Variants in DPP9 observed in about 807,000 individuals in gnomAD.
DPP9 encodes the protein dipeptidyl peptidase IV-related protein-2.
DPP9 carries 50 observed loss-of-function variants against 110.7 expected under a neutral mutation model. That is an observed-to-expected ratio of 0.45 (90% CI 0.36 to 0.57). The LOEUF (loss-of-function observed/expected upper bound fraction) is 0.57. Ranked by LOEUF, DPP9 falls within the 20% of genes least tolerant of loss-of-function variation. The pLI, the probability that DPP9 is intolerant of heterozygous loss-of-function variation, is 0.00. For synonymous variants in DPP9, 561 were observed against 514.4 expected (o/e 1.09, Z -1.23); for missense variants, 1,022 against 1,217.9 (o/e 0.84, Z 2.39).
chr19:4,697,768 A>G (rs2091924907), intron 10 of DPP9, 117 bp from the exon 11 acceptor site: 6 of 785,298 alleles, frequency 7.6e-6, no homozygotes, highest in Non-Finnish European at 2.0e-6. Flanking sequence ...CTGGAGTCTC[A>G]GCCCCCAGAA....
intron 20 of DPP9, among the ~76,000 whole-genome samples, chr19:4,680,172 G>A (rs988235102): frequency 7.3e-5 from 11 of 151,516 alleles, no homozygotes; most frequent in Non-Finnish European, 1.5e-4. Context: ...CAGAGGCAGA[G>A]GTTGCAGTGC....
chr19:4,709,074 C>T (rs113858513), intron 4 of DPP9, among the ~76,000 whole-genome samples: 15,643 of 152,168 alleles, frequency 0.1, 943 homozygotes, highest in Middle Eastern at 0.17. Flanking sequence ...CACAACACCA[C>T]ACCCGGCTAA....
At position 4,684,285 on chromosome 19, in the gene DPP9, C is replaced by T; in HGVS notation, c.2178+378G>A. ...CTCGTGGGAACAGAGAGCAGCCCTC[C>T]CCGACACAGCCCTGCCTTGGCCTTG... is the stretch of plus-strand genomic sequence containing the variant. On this transcript the variant is annotated intron_variant, in intron 18 of 21. Transcript: ENST00000262960. This position sits in a 1 kb window ranked among gnomAD's most constrained non-coding sequence, Gnocchi z 4.8. 1 of 290,978 alleles carries T rather than the reference C, an allele frequency of 3.4e-6. No individual in the cohort carries two copies. The highest frequency in any genetic ancestry group is 6.6e-6 in the Non-Finnish European group (1 of 150,868). 18.0% of individuals were successfully genotyped at this position (290,978 alleles called of 1,614,324 possible).
intron 18 of DPP9, 181 bp from the exon 19 acceptor site, chr19:4,683,810 C>T (rs2090278943): frequency 3.3e-6 from 5 of 1,537,482 alleles, no homozygotes; most frequent in Non-Finnish European, 4.4e-6. Flanking sequence ...CTGGACAGAT[C>T]CAGCAGCCAT....
In DPP9 at chr19:4,700,324, TG is replaced by T. The variant is rs1568318791; in HGVS notation, c.1013-48del. ...GAACACCAGGCAGGCATCACCCGTG[TG>T]TGCCGAGAGCCGGCACGGGGGGCCT... On this transcript the variant is annotated intron_variant, in intron 9 of 21. Coordinates refer to ENST00000262960, the MANE Select transcript of DPP9 (RefSeq NM_139159.5). The surrounding 1 kb of genome is among the most constrained non-coding windows in gnomAD (Gnocchi z 4.3). 12 of 1,532,870 alleles carry T rather than the reference TG, an allele frequency of 7.8e-6. No individual in the cohort carries two copies. Among genetic ancestry groups the T allele is most frequent in the African/African-American group, 1.4e-5 (1 of 73,208 alleles). 95.0% of individuals were successfully genotyped at this position (1,532,870 alleles called of 1,614,324 possible). A position where few individuals can be genotyped will look rare whatever the true frequency, so the allele number is the denominator to read the frequency against.
chr19:4,691,193 C>G (rs1216447575), intron 13 of DPP9, among the ~76,000 whole-genome samples: 1 of 152,114 alleles, frequency 6.6e-6, no homozygotes, highest in Non-Finnish European at 1.5e-5. Flanking sequence ...CACGATAAAC[C>G]AGGAGACCCG....
chr19:4,718,225 A>G lies in DPP9; in HGVS notation c.56+1626T>C, dbSNP rs528141348. Reference sequence around the variant, plus strand: ...GTGCAAGCCACCGTGCCCAGCTCCAAAGCTCTGTGATGTCTGTGTCTGAGC... The same window carrying G: ...GTGCAAGCCACCGTGCCCAGCTCCAGAGCTCTGTGATGTCTGTGTCTGAGC... On this transcript the variant is annotated intron_variant, in intron 3 of 21. Coordinates refer to ENST00000262960, the MANE Select transcript of DPP9 (RefSeq NM_139159.5). The surrounding 1 kb of genome is among the most constrained non-coding windows in gnomAD (Gnocchi z 4.3). Among the ~76,000 whole-genome samples the G allele has an allele frequency of 6.6e-6, 1 of 152,176 alleles. No individual in the cohort carries two copies. Among genetic ancestry groups the G allele is most frequent in the East Asian group, 1.9e-4 (1 of 5,172 alleles).
In DPP9 at chr19:4,695,635, G is replaced by A. The variant is rs978449525; in HGVS notation, c.1176-80C>T. 7 of 1,255,766 alleles carry A rather than the reference G, an allele frequency of 5.6e-6. No homozygotes were observed. Among genetic ancestry groups the A allele is most frequent in the African/African-American group, 3.1e-5 (2 of 63,700 alleles). The allele number at this position is 1,255,766 out of a possible 1,614,324, so 77.8% of individuals were successfully genotyped here. A position where few individuals can be genotyped will look rare whatever the true frequency, so the allele number is the denominator to read the frequency against. ...TGCACAGAGAAGCTGGGGACGCAGC[G>A]TCCAAACCCGTGTGGAATCAGGGCT... On this transcript the variant is annotated intron_variant, in intron 11 of 21. Coordinates refer to ENST00000262960, the MANE Select transcript of DPP9 (RefSeq NM_139159.5). The surrounding 1 kb of genome is among the most constrained non-coding windows in gnomAD (Gnocchi z 4.7).
At chr19:4,706,033 G>T in intron 4 of DPP9, 63 bp from the exon 5 acceptor site, 4 of 1,435,748 alleles carry the variant, frequency 2.8e-6, no homozygotes, top group South Asian at 2.4e-5. Context: ...GACGCCCTCA[G>T]CCTGCAGCTG....
Position 4,683,536 on chromosome 19 carries a change from A to G in DPP9, c.2272T>C (p.Trp758Arg). The change falls in exon 19 of 22, where the codon TGG (tryptophan) becomes CGG (arginine). Residue 758 changes from tryptophan (W) to arginine (R), a missense_variant. By Grantham distance (101) the Trp-to-Arg change is moderately radical (BLOSUM62 -3). Transcript: ENST00000262960. ...AGCGAGAGGAAGCCCCCGTAGGACC[A>G]GCCATGGATGGCAACTCGGCTCAGG... Reference protein sequence around the residue: ...IDLSRVAIHGWSYGGFLSLMG... With the variant: ...IDLSRVAIHGRSYGGFLSLMG... The G allele has an allele frequency of 6.2e-7, 1 of 1,613,406 alleles. No homozygotes were observed. The highest frequency in any genetic ancestry group is 1.1e-5 in the South Asian group (1 of 91,088).
In DPP9 at chr19:4,697,688, C is replaced by A. The variant is rs550473154; in HGVS notation, c.1075-37G>T. On this transcript the variant is annotated intron_variant, in intron 10 of 21. Transcript: ENST00000262960. The stretch of plus-strand genomic sequence containing the variant: ...CAAACAGGTGTGGGTCATGCCCTGG[C>A]CTGCCCGGCGCTGCTCGGAGGAGAA... 1.3e-5 allele frequency: 21 copies of A among 1,584,786 alleles called. No individual in the cohort carries two copies. In the South Asian group the frequency reaches 2.3e-4, roughly 18 times the overall value.
At chr19:4,691,507 A>G (rs997002427) in intron 13 of DPP9, among the ~76,000 whole-genome samples, 14 of 150,754 alleles carry the variant, frequency 9.3e-5, no homozygotes, top group Admixed American at 6.0e-4. Flanking sequence ...AAACAGGAAG[A>G]GAAACCAGGA....
In DPP9 at chr19:4,689,769, G is replaced by A; in HGVS notation, c.1597-47C>T. 1 of 1,515,910 alleles carries A rather than the reference G, an allele frequency of 6.6e-7. No individual in the cohort carries two copies. Among genetic ancestry groups the A allele is most frequent in the Admixed American group, 2.1e-5 (1 of 47,850 alleles). The allele number at this position is 1,515,910 out of a possible 1,614,324, so 93.9% of individuals were successfully genotyped here. ...TCGTGATGCGTCCCAGATGCCCCTG[G>A]GCCCACACCCCTCTCCACGCCCCAC... is the stretch of plus-strand genomic sequence containing the variant. On this transcript the variant is annotated intron_variant, in intron 14 of 21. Transcript: ENST00000262960. This position sits in a 1 kb window ranked among gnomAD's most constrained non-coding sequence, Gnocchi z 7.0.
chr19:4,700,596 A>T lies in DPP9; in HGVS notation c.1013-319T>A, dbSNP rs1412057373. ...GCTGGGGCTTGTAGGGGCCGCAGATACCAGGAAGATGCCATCCCTGCCTTG... is the reference window on the plus strand; with the variant it reads ...GCTGGGGCTTGTAGGGGCCGCAGATTCCAGGAAGATGCCATCCCTGCCTTG... On this transcript the variant is annotated intron_variant, in intron 9 of 21. Coordinates refer to ENST00000262960, the MANE Select transcript of DPP9 (RefSeq NM_139159.5). This position sits in a 1 kb window ranked among gnomAD's most constrained non-coding sequence, Gnocchi z 4.3. 1.3e-5 allele frequency among the ~76,000 whole-genome samples: 2 copies of T among 152,184 alleles called. No individual in the cohort carries two copies. The highest frequency in any genetic ancestry group is 2.9e-5 in the Non-Finnish European group (2 of 68,030).
rs1237052529 is a variant in DPP9 at position 4,684,610 on chromosome 19, G to C, written c.2178+53C>G. The C allele has an allele frequency of 6.2e-7, 1 of 1,602,698 alleles. No individual in the cohort carries two copies. Among genetic ancestry groups the C allele is most frequent in the East Asian group, 2.2e-5 (1 of 44,720 alleles). On this transcript the variant is annotated intron_variant, in intron 18 of 21. Coordinates refer to ENST00000262960, the MANE Select transcript of DPP9 (RefSeq NM_139159.5). This position sits in a 1 kb window ranked among gnomAD's most constrained non-coding sequence, Gnocchi z 4.8. ...CCATGCCCTGCACCCACACGGCCCA[G>C]GGCTCCCTTCCCGAGACCCAAAGGA...
Position 4,698,756 on chromosome 19 carries a change from A to G in DPP9, c.1075-1105T>C, listed in dbSNP as rs2092003209. Among the ~76,000 whole-genome samples the G allele has an allele frequency of 6.6e-6, 1 of 152,142 alleles. No homozygotes were observed. Among genetic ancestry groups the G allele is most frequent in the African/African-American group, 2.4e-5 (1 of 41,428 alleles). ...CAGTGAGACCCTGTCTCAAAAAACA[A>G]GAACAAACAAGCAAAGCAAAACCCC... On this transcript the variant is annotated intron_variant, in intron 10 of 21. Transcript: ENST00000262960. The surrounding 1 kb of genome is among the most constrained non-coding windows in gnomAD (Gnocchi z 4.2).
intron 13 of DPP9, among the ~76,000 whole-genome samples, chr19:4,692,715 C>A (rs1451413201): frequency 6.6e-6 from 1 of 152,158 alleles, no homozygotes; most frequent in Non-Finnish European, 1.5e-5. Flanking sequence ...GAAACGTGAG[C>A]ACTCGGGCTG....
intron 11 of DPP9, 123 bp downstream of exon 11, chr19:4,697,428 C>G: frequency 2.6e-6 from 2 of 782,990 alleles, no homozygotes; most frequent in Non-Finnish European, 4.1e-6. Context: ...CTGGCGGTTG[C>G]ACTGCGGGAA....
In DPP9 at chr19:4,694,822, A is replaced by T; in HGVS notation, c.1355T>A (p.Val452Asp). Reference protein sequence around the residue: ...YEEVTNVWINVHDIFYPFPQS... With the variant: ...YEEVTNVWINDHDIFYPFPQS... ...GGGGAAGGGATAGAAGATGTCATGA[A>T]CCTGTCCGGAAAGCAGATAGAAGAT... is the stretch of plus-strand genomic sequence containing the variant. Residue 452 changes from valine to aspartate, a missense_variant and splice_region_variant, in exon 13 of 22, where the codon GTT becomes GAT. Physicochemically the swap from Val to Asp is radical, Grantham distance 152 (BLOSUM62 -3). This residue lies in a region of DPP9 where 810 missense variants were observed against 920.6 expected (regional missense o/e 0.88). Coordinates refer to ENST00000262960, the MANE Select transcript of DPP9 (RefSeq NM_139159.5). This position sits in a 1 kb window ranked among gnomAD's most constrained non-coding sequence, Gnocchi z 4.0. 6.2e-7 allele frequency: 1 copy of T among 1,613,586 alleles called. No homozygotes were observed. Among genetic ancestry groups the T allele is most frequent in the Non-Finnish European group, 8.5e-7 (1 of 1,179,786 alleles).
Sources: gnomAD v4.1 joint callset for allele counts (sites outside exome capture counted in the v4.1 genomes callset) on GRCh38, gnomAD v4.1.1 for gene constraint, gnomAD v4.1.1 regional missense constraint, Gnocchi (gnomAD v3.1) non-coding constraint, MANE v1.5 for transcripts, NCBI Gene and HGNC (gene_info 2026-07-23, HGNC 2026-07-21) for gene names.